The following CDCA7 variants were observed in gnomAD, a reference collection of about 807,000 sequenced individuals.
CDCA7 encodes the protein cell division cycle associated 7.
A neutral mutation model predicts 54.0 loss-of-function variants in CDCA7; 28 were observed. The ratio of observed to expected loss-of-function variants is 0.52; its 90% CI spans 0.38 to 0.71. The LOEUF (loss-of-function observed/expected upper bound fraction) is 0.71. Among genes scored for constraint, CDCA7 ranks in the 30% least tolerant of loss-of-function variants. The pLI is 0.00. For missense variants in CDCA7, 484 were observed against 586.0 expected (o/e 0.83, Z 1.80); for synonymous variants, 180 against 208.2 (o/e 0.86, Z 1.16).
chr2:173,360,603 G>T (rs985464599), intron 3 of CDCA7, among the ~76,000 whole-genome samples: 3 of 152,076 alleles, frequency 2.0e-5, no homozygotes, highest in African/African-American at 7.2e-5. Context: ...AGCCTACCCA[G>T]TAGCTGAGAC....
At chr2:173,362,597 C>T (rs1271369042) in intron 3 of CDCA7, among the ~76,000 whole-genome samples, 2 of 132,432 alleles carry the variant, frequency 1.5e-5, no homozygotes, top group African/African-American at 2.9e-5. Flanking sequence ...TTTTTCAAGA[C>T]AGGGTCTGGC....
chr2:173,367,540 C>G (rs979208408), intron 9 of CDCA7, 94 bp from the exon 10 acceptor site: 23 of 1,483,216 alleles, frequency 1.6e-5, no homozygotes, highest in Non-Finnish European at 2.2e-5. Context: ...TGTTATAACT[C>G]AATAAAAATG....
chr2:173,367,124 T>A (rs1458428023), intron 8 of CDCA7, 26 bp from the exon 9 acceptor site: 1 of 1,555,910 alleles, frequency 6.4e-7, no homozygotes, highest in Non-Finnish European at 8.7e-7. Flanking sequence ...TTAACTTAAT[T>A]GTGCCGTTTG....
chr2:173,363,559 C>A, intron 4 of CDCA7, 97 bp downstream of exon 4: 1 of 1,239,096 alleles, frequency 8.1e-7, no homozygotes, highest in Non-Finnish European at 1.1e-6. Context: ...TTTTCTGTTA[C>A]ATGAATAAAA....
In CDCA7 at chr2:173,366,737, C is replaced by A. The variant is rs1208330357; in HGVS notation, c.1185+305C>A. Among the ~76,000 whole-genome samples the A allele has an allele frequency of 1.3e-5, 2 of 152,148 alleles. No homozygotes were observed. Among genetic ancestry groups the A allele is most frequent in the Middle Eastern group, 3.2e-3 (1 of 316 alleles). ...TATTTTTAGTAGAGACGGGGTTTCA[C>A]CACATTGGCCAGGATGGTGTGGTGG... On this transcript the variant is annotated intron_variant, in intron 8 of 9. Coordinates refer to ENST00000306721, the MANE Select transcript of CDCA7 (RefSeq NM_031942.5). This position sits in a 1 kb window ranked among gnomAD's most constrained non-coding sequence, Gnocchi z 4.5.
chr2:173,360,248 C>T (rs1686594574), intron 3 of CDCA7, among the ~76,000 whole-genome samples: 1 of 152,148 alleles, frequency 6.6e-6, no homozygotes, highest in African/African-American at 2.4e-5. Context: ...GTGTTTTGGT[C>T]CAAATCAGTG....
At position 173,359,443 on chromosome 2, in the gene CDCA7, C is replaced by T. The variant is rs755238002; in HGVS notation, c.336C>T (p.Asp112=). The change falls in exon 3 of 10, where the codon GAC becomes GAT. Residue 112 remains aspartate, a synonymous_variant. Transcript: ENST00000306721. ...CCGGTATTTTTCATGCCGACTCTGA[C>T]GATGAATCATTTTGCGGTTTCTCAG... ...ELAGIFHADS[D]DESFCGFSES... is the part of the protein sequence containing the mutation. 3.1e-6 allele frequency: 5 copies of T among 1,614,074 alleles called. No homozygotes were observed. The highest frequency in any genetic ancestry group is 1.7e-5 in the Admixed American group (1 of 60,012).
chr2:173,365,085 G>C, intron 6 of CDCA7, 96 bp downstream of exon 6: 4 of 1,422,074 alleles, frequency 2.8e-6, no homozygotes, highest in Middle Eastern at 1.9e-4. Flanking sequence ...CTTAACACCA[G>C]GCGATCCATA....
Position 173,359,570 on chromosome 2 carries a change from GTGATTTTGATTTTAGTCATGCCA to G in CDCA7, c.384+80_384+102del. The stretch of plus-strand genomic sequence containing the variant: ...ACATATTTTTAGAAATTTTTTTCTT[GTGATTTTGATTTTAGTCATGCCA>G]GCAGACTTTGTTGACCTTTTAAAAA... On this transcript the variant is annotated intron_variant, in intron 3 of 9. Coordinates refer to ENST00000306721, the MANE Select transcript of CDCA7 (RefSeq NM_031942.5). The G allele has an allele frequency of 2.3e-6, 3 of 1,331,660 alleles. No individual in the cohort carries two copies. The Admixed American group carries it at 6.3e-5, about 28-fold the overall frequency. 82.5% of individuals were successfully genotyped at this position (1,331,660 alleles called of 1,614,324 possible).
intron 5 of CDCA7, 163 bp from the exon 6 acceptor site, chr2:173,364,632 G>C: frequency 9.9e-7 from 1 of 1,010,542 alleles, no homozygotes; most frequent in Non-Finnish European, 1.3e-6. Flanking sequence ...TGGCCATATA[G>C]GTTTTAGGCT....
In CDCA7 at chr2:173,367,893, A is replaced by G. The variant is rs749123153; in HGVS notation, c.*229A>G. On this transcript the variant is annotated 3_prime_UTR_variant, in exon 10 of 10. Coordinates refer to ENST00000306721, the MANE Select transcript of CDCA7 (RefSeq NM_031942.5). Reference sequence around the variant, plus strand: ...CTTCTCTGCTCCCAACCCCCATCTCACAGCATCCCCCTCTATTTCCAATGC... The same window carrying G: ...CTTCTCTGCTCCCAACCCCCATCTCGCAGCATCCCCCTCTATTTCCAATGC... The G allele has an allele frequency of 3.5e-6, 2 of 575,870 alleles. No individual in the cohort carries two copies. The highest frequency in any genetic ancestry group is 2.8e-5 in the East Asian group (1 of 35,348). The allele number at this position is 575,870 out of a possible 1,614,324, so 35.7% of individuals were successfully genotyped here.
At chr2:173,356,581 G>T (rs1289028461) in intron 1 of CDCA7, among the ~76,000 whole-genome samples, 1 of 152,180 alleles carries the variant, frequency 6.6e-6, no homozygotes, top group Non-Finnish European at 1.5e-5. Flanking sequence ...CACAGTCACG[G>T]CTCACTGCAG....
rs200051926 is a variant in CDCA7, at chr2:173,363,284, C to A, written c.443C>A (p.Pro148His). The A allele has an allele frequency of 2.5e-6, 4 of 1,614,158 alleles. No individual in the cohort carries two copies. The African/African-American group carries it at 4.0e-5, about 16-fold the overall frequency. ...RTRSQCRHSG[P>H]LRVAMKFPAR... ...CGCAGCCAGTGCAGGCACTCTGGACCTCTCAGGGTGGCGATGAAGTTTCCA... is the reference window on the plus strand; with the variant it reads ...CGCAGCCAGTGCAGGCACTCTGGACATCTCAGGGTGGCGATGAAGTTTCCA... Residue 148 changes from proline (P) to histidine (H), a missense_variant, in exon 4 of 10, where the codon CCT becomes CAT. Physicochemically the swap from Pro to His is moderately conservative, Grantham distance 77. This residue lies in a region of CDCA7 where 398 missense variants were observed against 447.4 expected (regional missense o/e 0.89). Coordinates refer to ENST00000306721, the MANE Select transcript of CDCA7 (RefSeq NM_031942.5).
intron 3 of CDCA7, among the ~76,000 whole-genome samples, chr2:173,361,793 A>G (rs12620777): frequency 0.83 from 125,693 of 151,890 alleles, 52,233 homozygotes; most frequent in East Asian, 0.98. Context: ...GTGTCTCACT[A>G]TGTTTTGTGT....
At chr2:173,363,025 A>G (rs965958796) in intron 3 of CDCA7, among the ~76,000 whole-genome samples, 6 of 152,200 alleles carry the variant, frequency 3.9e-5, no homozygotes, top group Non-Finnish European at 4.4e-5. Flanking sequence ...AGCTTATAAC[A>G]GTGTGGTCCA....
intron 1 of CDCA7, among the ~76,000 whole-genome samples, chr2:173,357,995 T>A (rs1686541864): frequency 6.6e-6 from 1 of 151,842 alleles, no homozygotes; most frequent in African/African-American, 2.4e-5. Context: ...GGTCAGGAGA[T>A]TGAGACCATT....
At position 173,364,817 on chromosome 2, in the gene CDCA7, G is replaced by C. The variant is rs534928780; in HGVS notation, c.722G>C (p.Arg241Pro). 6.2e-7 allele frequency: 1 copy of C among 1,608,996 alleles called. No homozygotes were observed. Among genetic ancestry groups the C allele is most frequent in the South Asian group, 1.1e-5 (1 of 89,980 alleles). Residue 241 changes from arginine (R) to proline (P), a missense_variant, in exon 6 of 10, where the codon CGT (arginine) becomes CCT (proline). Arg to Pro is a moderately radical substitution (Grantham distance 103, BLOSUM62 -2). Coordinates refer to ENST00000306721, the MANE Select transcript of CDCA7 (RefSeq NM_031942.5). ...SDSQSRRPRR[R>P]TFPGVASRRN... Reference sequence around the variant, plus strand: ...TAGCAATCAAGGAGACCGCGAAGGCGTACATTCCCGGGTGTTGCTTCCAGG... The same window carrying C: ...TAGCAATCAAGGAGACCGCGAAGGCCTACATTCCCGGGTGTTGCTTCCAGG...
In CDCA7 at chr2:173,364,904, T is replaced by C; in HGVS notation, c.809T>C (p.Leu270Pro). Residue 270 changes from leucine (L) to proline (P), a missense_variant, in exon 6 of 10, where the codon CTT (leucine) becomes CCT (proline). Physicochemically the swap from Leu to Pro is moderately conservative, Grantham distance 98. Around this residue, in one of 3 missense-constraint regions of CDCA7, gnomAD observed 398 missense variants for 447.4 expected, o/e 0.89. Transcript: ENST00000306721. ...TRSRSRILGS[L>P]DALPMEEEEE... Reference sequence around the variant, plus strand: ...TCAAGGTCCCGGATCCTCGGGTCCCTTGACGCTCTACCCATGGAGGAGGAG... The same window carrying C: ...TCAAGGTCCCGGATCCTCGGGTCCCCTGACGCTCTACCCATGGAGGAGGAG... 6.2e-7 allele frequency: 1 copy of C among 1,610,250 alleles called. No homozygotes were observed. The highest frequency in any genetic ancestry group is 8.5e-7 in the Non-Finnish European group (1 of 1,178,816).
chr2:173,359,217 A>G, intron 2 of CDCA7, 38 bp from the exon 3 acceptor site: 1 of 1,567,310 alleles, frequency 6.4e-7, no homozygotes, highest in Non-Finnish European at 8.7e-7. Context: ...TGAAAAAGAA[A>G]AAAAATGCAC....
Sources: gnomAD v4.1 joint callset for allele counts (sites outside exome capture counted in the v4.1 genomes callset) on GRCh38, gnomAD v4.1.1 for gene constraint, gnomAD v4.1.1 regional missense constraint, Gnocchi (gnomAD v3.1) non-coding constraint, MANE v1.5 for transcripts, NCBI Gene and HGNC (gene_info 2026-07-23, HGNC 2026-07-21) for gene names.